IL1RAPL2: variants seen among roughly 807,000 people sequenced by gnomAD.
IL1RAPL2 encodes the protein interleukin 1 receptor accessory protein like 2.
In IL1RAPL2, 3 loss-of-function variants were observed where a neutral mutation model predicts 44.1. The observed-to-expected ratio is 0.07, with a 90% CI of 0.03 to 0.18. The LOEUF (loss-of-function observed/expected upper bound fraction) is 0.18. IL1RAPL2 is among the 10% of genes least tolerant of loss of function. The pLI is 1.00. For synonymous variants in IL1RAPL2, 181 were observed against 178.8 expected (o/e 1.01, Z -0.10); for missense variants, 391 against 496.4 (o/e 0.79, Z 2.02).
chrX:105,220,239 T>C (rs782379343), intron 3 of IL1RAPL2: 20 of 1,210,033 alleles, frequency 1.7e-5, no homozygotes, highest in Non-Finnish European at 2.2e-5. Flanking sequence ...TGTCCTCCAG[T>C]ATGGCCCTCA....
chrX:105,224,568 T>G (rs182722213), intron 3 of IL1RAPL2, among the ~76,000 whole-genome samples: 1 of 111,570 alleles, frequency 9.0e-6, no homozygotes, highest in East Asian at 2.8e-4. Flanking sequence ...GACAACTAAG[T>G]TATACAATTT....
intron 1 of IL1RAPL2, among the ~76,000 whole-genome samples, chrX:104,605,555 AATAG>A (rs1171230672): frequency 1.8e-5 from 2 of 111,707 alleles, no homozygotes; most frequent in East Asian, 2.8e-4. Flanking sequence ...AGATCAACAA[AATAG>A]ATAGACTGCT....
chrX:105,294,628 T>C (rs1289292673), intron 5 of IL1RAPL2, among the ~76,000 whole-genome samples: 3 of 112,296 alleles, frequency 2.7e-5, no homozygotes, highest in African/African-American at 9.7e-5. Context: ...AATACAATAG[T>C]GGAGAAGAGT....
intron 5 of IL1RAPL2, among the ~76,000 whole-genome samples, chrX:105,359,752 T>TAAC (rs1260667453): frequency 1.6e-5 from 1 of 63,495 alleles, no homozygotes; most frequent in Non-Finnish European, 3.6e-5. Context: ...AACTGTAATT[T>TAAC]AATAATAATA....
At chrX:105,143,500 C>G (rs1212202229) in intron 2 of IL1RAPL2, among the ~76,000 whole-genome samples, 1 of 111,813 alleles carries the variant, frequency 8.9e-6, no homozygotes, top group Non-Finnish European at 1.9e-5. Context: ...GTTGGTGGGA[C>G]TGTAAACTAG....
At chrX:105,604,469 C>A (rs1023484075) in intron 6 of IL1RAPL2, among the ~76,000 whole-genome samples, 5 of 108,556 alleles carry the variant, frequency 4.6e-5, no homozygotes, top group Non-Finnish European at 9.6e-5. Flanking sequence ...GAAACCTGAA[C>A]AGAACAATAA....
chrX:105,467,425 A>C (rs892558294), intron 5 of IL1RAPL2, among the ~76,000 whole-genome samples: 1 of 111,575 alleles, frequency 9.0e-6, no homozygotes, highest in African/African-American at 3.3e-5. Context: ...CAGCTTAAGG[A>C]AATATATATA....
chrX:105,064,430 C>T (rs1001805023), intron 2 of IL1RAPL2, among the ~76,000 whole-genome samples: 2 of 111,770 alleles, frequency 1.8e-5, no homozygotes, highest in African/African-American at 3.3e-5. Flanking sequence ...TTGGTTGTTA[C>T]GAAGATGCTT....
At chrX:104,760,926 G>A (rs1051966724) in intron 2 of IL1RAPL2, among the ~76,000 whole-genome samples, 1 of 111,665 alleles carries the variant, frequency 9.0e-6, no homozygotes, top group Non-Finnish European at 1.9e-5. Context: ...TTAGATTTAA[G>A]TCTTTAATCC....
At chrX:105,267,068 CT>C (rs1655548347) in intron 4 of IL1RAPL2, among the ~76,000 whole-genome samples, 1 of 111,418 alleles carries the variant, frequency 9.0e-6, no homozygotes, top group Non-Finnish European at 1.9e-5. Context: ...TATTTAGTGA[CT>C]GTTAAGGTTC....
intron 2 of IL1RAPL2, among the ~76,000 whole-genome samples, chrX:105,033,737 G>A (rs375594739): frequency 1.5e-4 from 17 of 110,981 alleles, no homozygotes; most frequent in Admixed American, 5.8e-4. Context: ...TGTTTGTGGC[G>A]TTCTCTGTAT....
chrX:105,286,825 A>G (rs891603648), intron 5 of IL1RAPL2, among the ~76,000 whole-genome samples: 1 of 111,838 alleles, frequency 8.9e-6, no homozygotes, highest in Non-Finnish European at 1.9e-5. Flanking sequence ...TCACTTTAGT[A>G]AGGTCTTGAC....
intron 1 of IL1RAPL2, among the ~76,000 whole-genome samples, chrX:104,658,120 T>C (rs1489337888): frequency 8.9e-6 from 1 of 112,190 alleles, no homozygotes; most frequent in Non-Finnish European, 1.9e-5. Context: ...TTACTGGGTA[T>C]ATAACCAAAG....
chrX:104,909,133 C>T (rs186432680), intron 2 of IL1RAPL2, among the ~76,000 whole-genome samples: 1 of 112,174 alleles, frequency 8.9e-6, no homozygotes, highest in East Asian at 2.8e-4. Context: ...CAGTTGATCG[C>T]ATTGGCTCCT....
intron 2 of IL1RAPL2, among the ~76,000 whole-genome samples, chrX:104,968,073 T>C (rs1426723852): frequency 1.8e-5 from 2 of 111,128 alleles, no homozygotes; most frequent in Non-Finnish European, 3.8e-5. Flanking sequence ...CAAAAGTAGA[T>C]AAAGACAATA....
chrX:104,606,656 C>A (rs758937421), intron 1 of IL1RAPL2, among the ~76,000 whole-genome samples: 2 of 110,997 alleles, frequency 1.8e-5, no homozygotes, highest in South Asian at 7.6e-4. Context: ...TTCCTATACA[C>A]CGATAACAGA....
At chrX:105,714,000 C>T (rs1475407770) in intron 6 of IL1RAPL2, among the ~76,000 whole-genome samples, 1 of 111,462 alleles carries the variant, frequency 9.0e-6, no homozygotes, top group African/African-American at 3.3e-5. Flanking sequence ...GAATACCTTG[C>T]TGCGTTGATA....
chrX:105,659,080 T>G (rs982932250), intron 6 of IL1RAPL2, among the ~76,000 whole-genome samples: 25 of 109,597 alleles, frequency 2.3e-4, no homozygotes, highest in African/African-American at 7.6e-4. Context: ...TGAGCTGAGA[T>G]CATGCCATTG....
chrX:104,601,206 G>T (rs1198492641), intron 1 of IL1RAPL2, among the ~76,000 whole-genome samples: 2 of 110,158 alleles, frequency 1.8e-5, no homozygotes, highest in African/African-American at 6.6e-5. Flanking sequence ...GTATACATGT[G>T]CCACGTTGGT....
Sources: allele counts gnomAD v4.1 joint callset (sites outside exome capture counted in the v4.1 genomes callset), GRCh38; gene constraint gnomAD v4.1.1; transcripts MANE v1.5; gene names NCBI Gene and HGNC (gene_info 2026-07-23, HGNC 2026-07-21).